IDH1: variants seen among roughly 807,000 people sequenced by gnomAD.
IDH1 encodes the protein isocitrate dehydrogenase [NADP] cytoplasmic.
In IDH1, 33 loss-of-function variants were observed where a neutral mutation model predicts 46.1. The ratio of observed to expected loss-of-function variants is 0.72; its 90% confidence interval spans 0.54 to 0.96. The LOEUF is 0.96. Ranked by LOEUF, IDH1 falls within the 40% of genes least tolerant of loss-of-function variation. The pLI, the probability that IDH1 is intolerant of heterozygous loss-of-function variation, is 0.00. For synonymous variants in IDH1, 144 were observed against 172.8 expected, an observed-to-expected ratio of 0.83 and a Z score of 1.31; for missense variants, 421 against 515.7, an observed-to-expected ratio of 0.82 and a Z score of 1.78.
intron 7 of IDH1, among the ~76,000 whole-genome samples, chr2:208,241,498 C>T (rs568720597): frequency 3.6e-4 from 54 of 151,062 alleles, no homozygotes; most frequent in African/African-American, 1.3e-3. Flanking sequence ...TCTCAAAGTG[C>T]TAGGATTACA....
intron 7 of IDH1, 151 bp from the exon 8 acceptor site, chr2:208,240,154 G>GA: frequency 5.0e-6 from 4 of 800,772 alleles, no homozygotes; most frequent in Non-Finnish European, 8.4e-6. Flanking sequence ...CTGCCTTTCA[G>GA]AAGGCAGGAT....
At chr2:208,238,289 C>T (rs35940089) in intron 9 of IDH1, among the ~76,000 whole-genome samples, 134,293 of 152,010 alleles carry the variant, frequency 0.88, 61,011 homozygotes, top group East Asian at 1. Context: ...CCCACCTCGG[C>T]CTCCCAAAGT....
chr2:208,240,148 CT>C, intron 7 of IDH1, 145 bp from the exon 8 acceptor site: 3 of 845,306 alleles, frequency 3.5e-6, no homozygotes, highest in Non-Finnish European at 5.8e-6. Context: ...ATAATTCTGC[CT>C]TTCAGAAGGC....
chr2:208,246,760 T>C (rs867000222), intron 4 of IDH1, among the ~76,000 whole-genome samples: 65 of 151,146 alleles, frequency 4.3e-4, no homozygotes, highest in African/African-American at 1.5e-3. Flanking sequence ...CTGACCAACA[T>C]GGTGAAACCC....
chr2:208,243,134 T>C (rs1310910523), intron 6 of IDH1, among the ~76,000 whole-genome samples: 1 of 152,190 alleles, frequency 6.6e-6, no homozygotes, highest in African/African-American at 2.4e-5. Context: ...AACTCACACA[T>C]GAAAAATTAG....
intron 4 of IDH1, among the ~76,000 whole-genome samples, chr2:208,245,848 G>A (rs766465855): frequency 2.7e-5 from 4 of 150,496 alleles, no homozygotes; most frequent in Non-Finnish European, 3.0e-5. Flanking sequence ...AGGAAGTCAG[G>A]GAAGTCTCCC....
chr2:208,237,095 GC>G lies in IDH1; in HGVS notation c.1228del (p.Ala410LeufsTer19). On this transcript the variant is annotated frameshift_variant, in exon 10 of 10. Coordinates refer to ENST00000345146, the MANE Select transcript of IDH1 (RefSeq NM_005896.4). LOFTEE classifies it high-confidence loss of function. ...KLGENLKIKL[A>X]QAKL is the part of the protein sequence containing the mutation. ...GGTATGAACTTAAAGTTTGGCCTGA[GC>G]TAGTTTGATCTTCAAGTTTTCTCCA... 6.3e-7 allele frequency: 1 copy of G among 1,595,776 alleles called. No individual in the cohort carries two copies. Among genetic ancestry groups the G allele is most frequent in the Non-Finnish European group, 8.6e-7 (1 of 1,164,126 alleles).
chr2:208,251,318 G>C (rs529351698), intron 3 of IDH1, 112 bp downstream of exon 3: 2 of 1,095,286 alleles, frequency 1.8e-6, no homozygotes, highest in African/African-American at 1.6e-5. Flanking sequence ...TCCTGGTCTT[G>C]AGGGATCCTC....
chr2:208,247,869 A>G (rs1409836963), intron 4 of IDH1: 1 of 170,024 alleles, frequency 5.9e-6, no homozygotes, highest in Non-Finnish European at 1.3e-5. Context: ...AAGTTTGCAC[A>G]TTAGATTCAC....
At position 208,243,423 on chromosome 2, in the gene IDH1, T is replaced by A; in HGVS notation, c.698+4A>T. On this transcript the variant is annotated splice_donor_region_variant and intron_variant, in intron 6 of 9. Coordinates refer to ENST00000345146, the MANE Select transcript of IDH1 (RefSeq NM_005896.4). ...AGAAAAAGTTAAAAAAGAACTATAG[T>A]TACTTGTCATATATCTCCTGAAAGA... 6.2e-7 allele frequency: 1 copy of A among 1,603,782 alleles called. No homozygotes were observed. Among genetic ancestry groups the A allele is most frequent in the Non-Finnish European group, 8.5e-7 (1 of 1,170,924 alleles).
At chr2:208,248,230 A>T in intron 4 of IDH1, 139 bp downstream of exon 4, 1 of 718,570 alleles carries the variant, frequency 1.4e-6, no homozygotes. Flanking sequence ...ACAGTTATAC[A>T]TATATGCATT....
chr2:208,240,958 A>G (rs887834700), intron 7 of IDH1, among the ~76,000 whole-genome samples: 4 of 152,196 alleles, frequency 2.6e-5, no homozygotes, highest in African/African-American at 7.2e-5. Flanking sequence ...TTTAACACTG[A>G]TAAGAGACAG....
At chr2:208,247,181 T>C (rs1688039125) in intron 4 of IDH1, among the ~76,000 whole-genome samples, 1 of 152,144 alleles carries the variant, frequency 6.6e-6, no homozygotes, top group East Asian at 1.9e-4. Context: ...AACACACTGT[T>C]TTCAATGATG....
rs2124862861 is a variant in IDH1 at position 208,248,432 on chromosome 2, G to A, written c.351C>T (p.Ile117=). The A allele has an allele frequency of 1.2e-6, 2 of 1,614,134 alleles. No individual in the cohort carries two copies. The highest frequency in any genetic ancestry group is 1.1e-5 in the South Asian group (1 of 91,074). The part of the protein sequence containing the change: ...VFREAIICKN[I]PRLVSGWVKP... The stretch of plus-strand genomic sequence containing the variant: ...TTACCCATCCACTCACAAGCCGGGG[G>A]ATATTTTTGCAGATAATGGCTTCTC... The change falls in exon 4 of 10, where the codon ATC becomes ATT. Residue 117 remains isoleucine (I), a synonymous_variant. Coordinates refer to ENST00000345146, the MANE Select transcript of IDH1 (RefSeq NM_005896.4).
intron 8 of IDH1, among the ~76,000 whole-genome samples, chr2:208,239,472 T>C (rs1459167914): frequency 6.6e-6 from 1 of 152,226 alleles, no homozygotes; most frequent in Non-Finnish European, 1.5e-5. Flanking sequence ...TTTTCTAATT[T>C]GAAAAAGGTC....
chr2:208,240,168 C>T (rs574734763), intron 7 of IDH1, 165 bp from the exon 8 acceptor site: 53 of 726,518 alleles, frequency 7.3e-5, no homozygotes, highest in Admixed American at 2.7e-4. Flanking sequence ...GCAGGATCCC[C>T]GCTCCAGATA....
intron 3 of IDH1, among the ~76,000 whole-genome samples, chr2:208,249,781 A>G (rs1008873962): frequency 3.3e-5 from 5 of 152,180 alleles, no homozygotes; most frequent in African/African-American, 1.2e-4. Flanking sequence ...AACTGCTTCG[A>G]CTTTAGATAA....
chr2:208,248,333 A>C (rs768960539), intron 4 of IDH1, 36 bp downstream of exon 4: 4 of 1,604,938 alleles, frequency 2.5e-6, no homozygotes, highest in Non-Finnish European at 3.4e-6. Flanking sequence ...TGAAAAAAAA[A>C]ACATGCAAAA....
intron 4 of IDH1, among the ~76,000 whole-genome samples, chr2:208,246,856 T>C (rs1305687196): frequency 6.6e-6 from 1 of 152,044 alleles, no homozygotes; most frequent in East Asian, 1.9e-4. Flanking sequence ...GGCAGGAGAA[T>C]TGCTTGAACC....
Sources: gnomAD v4.1 joint callset for allele counts (sites outside exome capture counted in the v4.1 genomes callset) on GRCh38, gnomAD v4.1.1 for gene constraint, MANE v1.5 for transcripts, NCBI Gene and HGNC (gene_info 2026-07-23, HGNC 2026-07-21) for gene names.